PIK3CD: variants seen among roughly 807,000 people sequenced by gnomAD.
PIK3CD encodes the protein phosphatidylinositol-4,5-bisphosphate 3-kinase catalytic subunit delta.
PIK3CD carries 20 observed loss-of-function variants against 122.9 expected under a neutral mutation model. That is an observed-to-expected ratio of 0.16 (90% CI 0.11 to 0.24). The LOEUF (loss-of-function observed/expected upper bound fraction) is 0.24. Among genes scored for constraint, PIK3CD ranks in the 10% least tolerant of loss-of-function variants. PIK3CD has a pLI of 1.00. For synonymous variants in PIK3CD, 596 were observed against 593.4 expected (o/e 1.00, Z -0.06); for missense variants, 787 against 1,406.3 (o/e 0.56, Z 7.04).
At chr1:9,693,524 C>T (rs58123801) in intron 2 of PIK3CD, among the ~76,000 whole-genome samples, 18,226 of 152,130 alleles carry the variant, frequency 0.12, 1,206 homozygotes, top group South Asian at 0.19. Context: ...TCAGCCTCCA[C>T]GCCCTGACCT....
intron 1 of PIK3CD, among the ~76,000 whole-genome samples, chr1:9,681,464 G>C (rs538223611): frequency 1.3e-5 from 2 of 152,282 alleles, no homozygotes; most frequent in South Asian, 4.1e-4. Flanking sequence ...ACCCAGGCTG[G>C]AGTGCAGTGG....
rs1156367890 is a variant in PIK3CD at position 9,652,562 on chromosome 1, A to C, written c.-138+760A>C. 6.6e-6 allele frequency: 1 copy of C among 152,224 alleles called. No homozygotes were observed. The highest frequency in any genetic ancestry group is 1.5e-5 in the Non-Finnish European group (1 of 68,024). The allele number at this position is 152,224 out of a possible 1,614,324, so 9.4% of individuals were successfully genotyped here. A position where few individuals can be genotyped will look rare whatever the true frequency, so the allele number is the denominator to read the frequency against. On this transcript the variant is annotated intron_variant, in intron 1 of 23. Transcript: ENST00000377346. The surrounding 1 kb of genome is among the most constrained non-coding windows in gnomAD (Gnocchi z 6.2). The stretch of plus-strand genomic sequence containing the variant: ...CCGGCAAAACCGCCCCCAGCTTTGC[A>C]TTTCCGGACTTTTTAAAAAAATACT...
intron 1 of PIK3CD, chr1:9,687,430 G>T (rs1377416480): frequency 6.6e-6 from 1 of 152,424 alleles, no homozygotes; most frequent in African/African-American, 2.4e-5. Flanking sequence ...TCATCTTGGG[G>T]AAATCCCCGC....
At chr1:9,663,720 G>T (rs1240750673) in intron 1 of PIK3CD, among the ~76,000 whole-genome samples, 1 of 149,770 alleles carries the variant, frequency 6.7e-6, no homozygotes, top group Admixed American at 6.7e-5. Context: ...TCTCCTAATG[G>T]TCTCCCTCCC....
intron 14 of PIK3CD, 26 bp from the exon 15 acceptor site, chr1:9,721,411 AGCTCCAG>A (rs1162882616): frequency 1.2e-6 from 2 of 1,611,724 alleles, no homozygotes; most frequent in African/African-American, 2.7e-5. Context: ...TGAGTCGGGG[AGCTCCAG>A]GCCCCAGCGC....
At chr1:9,654,093 CAGTT>C (rs1449608767) in intron 1 of PIK3CD, 1 of 1,164,558 alleles carries the variant, frequency 8.6e-7, no homozygotes, top group East Asian at 5.7e-5. Flanking sequence ...TACAACAACC[CAGTT>C]GCCTGCTCCA....
rs944068442 is a variant in PIK3CD, at chr1:9,728,937, T to G, written c.*1891T>G. 6.6e-6 allele frequency: 1 copy of G among 152,200 alleles called. No homozygotes were observed. The highest frequency in any genetic ancestry group is 2.4e-5 in the African/African-American group (1 of 41,436). 9.4% of individuals were successfully genotyped at this position (152,200 alleles called of 1,614,324 possible). On this transcript the variant is annotated 3_prime_UTR_variant, in exon 24 of 24. Coordinates refer to ENST00000377346, the MANE Select transcript of PIK3CD (RefSeq NM_005026.5). ...AAAAGAAAGAAAAAGCCTTTTTATG[T>G]TCTTTTATGTTCTCGGCTCAAAAAG...
At chr1:9,699,524 TCTCTCCCAGTCACC>T (rs1646546001) in intron 2 of PIK3CD, among the ~76,000 whole-genome samples, 1 of 151,750 alleles carries the variant, frequency 6.6e-6, no homozygotes, top group Admixed American at 6.6e-5. Context: ...AGACTCACCG[TCTCTCCCAGTCACC>T]CTCTCCCAGT....
At position 9,697,644 on chromosome 1, in the gene PIK3CD, G is replaced by T; in HGVS notation, c.-33+6073G>T. On this transcript the variant is annotated intron_variant, in intron 2 of 23. Transcript: ENST00000377346. ...GCTACTGGGGAGGCTGAGGTGAGAG[G>T]ATCACTTGAGCTCAGGAGTTCAAGG... Among the ~76,000 whole-genome samples, 2 of 150,526 alleles carry T rather than the reference G, an allele frequency of 1.3e-5. 1 individual carries two copies. The highest frequency in any genetic ancestry group is 1.3e-4 in the Admixed American group (2 of 15,116).
rs934301650 is a variant in PIK3CD, at chr1:9,718,160, T to C, written c.1020+534T>C. On this transcript the variant is annotated intron_variant, in intron 8 of 23. Coordinates refer to ENST00000377346, the MANE Select transcript of PIK3CD (RefSeq NM_005026.5). This position sits in a 1 kb window ranked among gnomAD's most constrained non-coding sequence, Gnocchi z 7.2. ...GACATGATACCTGAGTCCTCAGAGG[T>C]TGGCCCTCCTGCCTGGAGTGTGTTT... 4.3e-6 allele frequency: 2 copies of C among 463,150 alleles called. No individual in the cohort carries two copies. The highest frequency in any genetic ancestry group is 4.0e-5 in the African/African-American group (2 of 50,364). The allele number at this position is 463,150 out of a possible 1,614,324, so 28.7% of individuals were successfully genotyped here.
chr1:9,725,138 T>A (rs1276544931), intron 23 of PIK3CD, among the ~76,000 whole-genome samples: 21 of 152,194 alleles, frequency 1.4e-4, no homozygotes, highest in Admixed American at 1.4e-3. Context: ...CGCCCAGGCA[T>A]GGTTCCACTC....
At chr1:9,627,915 C>G in the PIK3CD span, among the ~76,000 whole-genome samples, 1 of 152,220 alleles carries the variant, frequency 6.6e-6, no homozygotes, top group Non-Finnish European at 1.5e-5. Flanking sequence ...CAGAGCCCCA[C>G]TGTTGATCTG....
intron 2 of PIK3CD, among the ~76,000 whole-genome samples, chr1:9,703,593 T>C (rs534457145): frequency 1.4e-4 from 21 of 152,370 alleles, no homozygotes; most frequent in Non-Finnish European, 2.9e-4. Flanking sequence ...CTTTGTACAG[T>C]TGGAATCATG....
upstream of PIK3CD, among the ~76,000 whole-genome samples, chr1:9,650,379 G>C (rs1377359701): frequency 1.3e-5 from 2 of 152,108 alleles, no homozygotes; most frequent in African/African-American, 4.8e-5. Flanking sequence ...CCAAGATCAC[G>C]CCACTGCACT....
chr1:9,682,154 C>A (rs1167402635), intron 1 of PIK3CD, among the ~76,000 whole-genome samples: 1 of 152,106 alleles, frequency 6.6e-6, no homozygotes, highest in East Asian at 1.9e-4. Flanking sequence ...AACTCCTGAG[C>A]TCAAGCGATC....
At position 9,700,615 on chromosome 1, in the gene PIK3CD, G is replaced by C. The variant is rs538130058; in HGVS notation, c.-33+9044G>C. Among the ~76,000 whole-genome samples, 146 of 152,142 alleles carry C rather than the reference G, an allele frequency of 9.6e-4. No homozygotes were observed. The highest frequency in any genetic ancestry group is 3.9e-3 in the South Asian group (19 of 4,824). On this transcript the variant is annotated intron_variant, in intron 2 of 23. Transcript: ENST00000377346. This position sits in a 1 kb window ranked among gnomAD's most constrained non-coding sequence, Gnocchi z 5.1. ...CCCCAGCTCCCCGCTCTGTGTCTAG[G>C]CCGTCTCACCTGCCCCTCCCCGGCT...
At chr1:9,651,430 C>A (rs895722856), upstream of PIK3CD, among the ~76,000 whole-genome samples, 2 of 152,152 alleles carry the variant, frequency 1.3e-5, no homozygotes, top group African/African-American at 4.8e-5. Flanking sequence ...GAAATTCTTT[C>A]CTGCGTGAAG....
At chr1:9,651,720 C>A (rs912697037), upstream of PIK3CD, 9 of 151,948 alleles carry the variant, frequency 5.9e-5, no homozygotes, top group African/African-American at 1.9e-4. Context: ...CGCCTCCCTC[C>A]CTCGAGGCTC....
In PIK3CD at chr1:9,719,485, C is replaced by G. The variant is rs1395291518; in HGVS notation, c.1243-436C>G. Among the ~76,000 whole-genome samples, 1 of 152,078 alleles carries G rather than the reference C, an allele frequency of 6.6e-6. No homozygotes were observed. The highest frequency in any genetic ancestry group is 1.5e-5 in the Non-Finnish European group (1 of 68,006). The stretch of plus-strand genomic sequence containing the variant: ...ACCAGCCTGGCCAATATGGTGAAAC[C>G]CTGTCTCTACTGAAAATACAAAAAA... On this transcript the variant is annotated intron_variant, in intron 9 of 23. Transcript: ENST00000377346. This position sits in a 1 kb window ranked among gnomAD's most constrained non-coding sequence, Gnocchi z 5.5.
Sources: allele counts gnomAD v4.1 joint callset (sites outside exome capture counted in the v4.1 genomes callset), GRCh38; gene constraint gnomAD v4.1.1; non-coding constraint Gnocchi (gnomAD v3.1); transcripts MANE v1.5; gene names NCBI Gene and HGNC (gene_info 2026-07-23, HGNC 2026-07-21).